Variants in FMN1 observed in about 807,000 individuals in gnomAD.
FMN1 encodes the protein formin 1, also known as formin-1.
FMN1 carries 110 observed loss-of-function variants against 132.4 expected under a neutral mutation model. That is an observed-to-expected ratio of 0.83 (90% CI 0.71 to 0.97). The LOEUF is 0.97. Among genes scored for constraint, FMN1 ranks in the 50% least tolerant of loss-of-function variants. The pLI, the probability that FMN1 is intolerant of heterozygous loss-of-function variation, is 0.00. For synonymous variants in FMN1, 722 were observed against 651.7 expected (o/e 1.11, Z -1.64); for missense variants, 1,792 against 1,705.3 (o/e 1.05, Z -0.90).
At chr15:33,066,020 A>AT (rs2037708672) in intron 5 of FMN1, among the ~76,000 whole-genome samples, 1 of 152,216 alleles carries the variant, frequency 6.6e-6, no homozygotes, top group African/African-American at 2.4e-5. Flanking sequence ...CCCAGGTCTC[A>AT]TTCTAAATCC....
At chr15:32,901,767 G>T in intron 13 of FMN1, 144 bp downstream of exon 13, 1 of 571,864 alleles carries the variant, frequency 1.7e-6, no homozygotes. Flanking sequence ...ACACACACGG[G>T]CAAGATAATC....
At chr15:33,088,687 T>C in intron 5 of FMN1, 112 bp downstream of exon 5, 1 of 946,564 alleles carries the variant, frequency 1.1e-6, no homozygotes, top group Non-Finnish European at 1.5e-6. Context: ...TTTTAAACAA[T>C]GATCCATACA....
chr15:32,853,670 T>G (rs1433832709), intron 17 of FMN1, among the ~76,000 whole-genome samples: 2 of 152,218 alleles, frequency 1.3e-5, no homozygotes. Flanking sequence ...ACCCAGCCCC[T>G]ACATCATAGC....
At chr15:33,068,583 CA>C (rs2037857055) in intron 5 of FMN1, among the ~76,000 whole-genome samples, 1 of 152,048 alleles carries the variant, frequency 6.6e-6, no homozygotes, top group Admixed American at 6.5e-5. Flanking sequence ...TAGATCATCT[CA>C]AAAGTGCCTA....
intron 9 of FMN1, among the ~76,000 whole-genome samples, chr15:32,939,361 A>T (rs2061351089): frequency 6.6e-6 from 1 of 152,220 alleles, no homozygotes; most frequent in African/African-American, 2.4e-5. Context: ...TGAGGAAGAA[A>T]ATATTAAGGG....
intron 16 of FMN1, among the ~76,000 whole-genome samples, chr15:32,861,524 C>CAT (rs2059267942): frequency 6.6e-6 from 1 of 152,192 alleles, no homozygotes; most frequent in Non-Finnish European, 1.5e-5. Flanking sequence ...GCAACACAGG[C>CAT]ATGATATGAT....
chr15:33,045,615 G>C (rs1176272032), intron 6 of FMN1, among the ~76,000 whole-genome samples: 3 of 152,172 alleles, frequency 2.0e-5, no homozygotes, highest in Non-Finnish European at 2.9e-5. Context: ...TGGAAGCCGT[G>C]ACAGAAACTG....
At chr15:32,893,384 G>A (rs347930) in intron 15 of FMN1, among the ~76,000 whole-genome samples, 8,191 of 151,838 alleles carry the variant, frequency 0.054, 710 homozygotes, top group African/African-American at 0.18. Context: ...GTGTGTGTGC[G>A]CGCTCGTGCG....
intron 4 of FMN1, among the ~76,000 whole-genome samples, chr15:33,095,840 T>C (rs1273391772): frequency 6.6e-6 from 1 of 152,136 alleles, no homozygotes; most frequent in Admixed American, 6.5e-5. Flanking sequence ...TAATTACTGG[T>C]TGTCTTAATA....
rs1186231490 is a variant in FMN1 at position 32,894,017 on chromosome 15, C to T, written c.3714+4817G>A. Among the ~76,000 whole-genome samples, 5 of 152,322 alleles carry T rather than the reference C, an allele frequency of 3.3e-5. No individual in the cohort carries two copies. In the East Asian group the frequency reaches 7.7e-4, roughly 23 times the overall value. Reference sequence around the variant, plus strand: ...AACCTAGGGTATGTGCTTATGTGCCCGCTGCTGCTTCTTAATTTCCTGAAG... The same window carrying T: ...AACCTAGGGTATGTGCTTATGTGCCTGCTGCTGCTTCTTAATTTCCTGAAG... On this transcript the variant is annotated intron_variant, in intron 15 of 20. Transcript: ENST00000616417.
At chr15:32,848,972 CT>C (rs1224231827) in intron 17 of FMN1, among the ~76,000 whole-genome samples, 5 of 68,628 alleles carry the variant, frequency 7.3e-5, no homozygotes, top group African/African-American at 2.8e-4. Flanking sequence ...GGTTAGTTCT[CT>C]TTTGTTTTTT....
intron 8 of FMN1, 90 bp downstream of exon 8, chr15:32,968,624 T>C: frequency 1.3e-6 from 2 of 1,572,854 alleles, no homozygotes; most frequent in South Asian, 2.4e-5. Flanking sequence ...GGTGCTACAC[T>C]ATGGAGATAT....
chr15:32,914,661 G>A (rs922780744), intron 10 of FMN1, among the ~76,000 whole-genome samples: 1 of 152,236 alleles, frequency 6.6e-6, no homozygotes, highest in African/African-American at 2.4e-5. Context: ...ATTGTAATGG[G>A]CAAGAGGTAG....
chr15:32,934,008 T>C (rs1051452397), intron 9 of FMN1, among the ~76,000 whole-genome samples: 1 of 152,160 alleles, frequency 6.6e-6, no homozygotes, highest in Non-Finnish European at 1.5e-5. Context: ...GAACTTATTA[T>C]TGCTAATTTG....
chr15:32,877,003 C>T (rs2059652967), intron 16 of FMN1, among the ~76,000 whole-genome samples: 1 of 152,100 alleles, frequency 6.6e-6, no homozygotes, highest in Non-Finnish European at 1.5e-5. Flanking sequence ...CAGATGGTAT[C>T]GGCTGGGCAT....
At chr15:33,121,401 G>C (rs897467826) in intron 4 of FMN1, among the ~76,000 whole-genome samples, 1 of 152,154 alleles carries the variant, frequency 6.6e-6, no homozygotes, top group Non-Finnish European at 1.5e-5. Flanking sequence ...TCTATAAATT[G>C]AGAGCACAAA....
Position 32,870,889 on chromosome 15 carries a change from T to G in FMN1, c.3836-13782A>C, listed in dbSNP as rs2059499152. Among the ~76,000 whole-genome samples, 3 of 152,338 alleles carry G rather than the reference T, an allele frequency of 2.0e-5. No individual in the cohort carries two copies. The South Asian group carries it at 6.2e-4, about 32-fold the overall frequency. ...CCAGAAATTTCATTAGAAATGCATA[T>G]GTATTCGTTGAAAAAGAAAACATTG... On this transcript the variant is annotated intron_variant, in intron 16 of 20. Transcript: ENST00000616417.
chr15:32,824,321 C>A (rs1212194973), intron 17 of FMN1, among the ~76,000 whole-genome samples: 2 of 152,232 alleles, frequency 1.3e-5, no homozygotes, highest in African/African-American at 2.4e-5. Flanking sequence ...ACATGGTCCT[C>A]TTAGTGCGTG....
intron 13 of FMN1, 94 bp downstream of exon 13, chr15:32,901,817 A>C: frequency 9.7e-7 from 1 of 1,033,342 alleles, no homozygotes; most frequent in Non-Finnish European, 1.3e-6. Context: ...TCTGAGTCCA[A>C]AAAGGTTTCT....
Sources: allele counts gnomAD v4.1 joint callset (sites outside exome capture counted in the v4.1 genomes callset), GRCh38; gene constraint gnomAD v4.1.1; transcripts MANE v1.5; gene names NCBI Gene and HGNC (gene_info 2026-07-23, HGNC 2026-07-21).